ATRX: variants seen among roughly 807,000 people sequenced by gnomAD.
ATRX encodes the protein ATRX chromatin remodeler, also known as chromatin remodeler ATRX.
Under a neutral mutation model 172.6 loss-of-function variants are expected in ATRX, and 12 were observed. The ratio of observed to expected loss-of-function variants is 0.07; its 90% CI spans 0.04 to 0.11. ATRX has a LOEUF of 0.11. ATRX is among the 10% of genes least tolerant of loss of function. The pLI, the probability that ATRX is intolerant of heterozygous loss-of-function variation, is 1.00. For missense variants in ATRX, 1,368 were observed against 1,767.4 expected, an observed-to-expected ratio of 0.77 and a Z score of 4.05; for synonymous variants, 674 against 594.7, an observed-to-expected ratio of 1.13 and a Z score of -1.94.
chrX:77,782,493 A>G (rs1264958974), intron 1 of ATRX, among the ~76,000 whole-genome samples: 1 of 112,580 alleles, frequency 8.9e-6, no homozygotes, highest in Non-Finnish European at 1.9e-5. Context: ...TCACACCTGT[A>G]ATCCCAGCAC....
At chrX:77,734,823 G>A (rs1422175532) in intron 1 of ATRX, among the ~76,000 whole-genome samples, 1 of 106,784 alleles carries the variant, frequency 9.4e-6, no homozygotes, top group Non-Finnish European at 1.9e-5. Flanking sequence ...AAAAATAAAT[G>A]GTGCTGGCCC....
intron 34 of ATRX, among the ~76,000 whole-genome samples, chrX:77,514,282 A>C (rs1184562905): frequency 8.9e-6 from 1 of 112,358 alleles, no homozygotes; most frequent in African/African-American, 3.2e-5. Flanking sequence ...GAACAACAAA[A>C]AAAAGGTTGA....
At chrX:77,783,170 G>A (rs1019630658) in intron 1 of ATRX, among the ~76,000 whole-genome samples, 6 of 111,638 alleles carry the variant, frequency 5.4e-5, no homozygotes, top group African/African-American at 2.0e-4. Context: ...GGGAGGCGGA[G>A]GCGGCAGTAA....
chrX:77,620,609 TTAA>T, intron 19 of ATRX, 77 bp from the exon 20 acceptor site: 1 of 937,022 alleles, frequency 1.1e-6, no homozygotes, highest in South Asian at 2.2e-5. Context: ...GTAAATAAAG[TTAA>T]TCCCTTTAAA....
At chrX:77,652,941 T>C (rs1461308019) in intron 14 of ATRX, among the ~76,000 whole-genome samples, 2 of 101,985 alleles carry the variant, frequency 2.0e-5, no homozygotes, top group African/African-American at 7.3e-5. Context: ...CACCAGTCAT[T>C]AGGAAAATAC....
In ATRX at chrX:77,508,214, AG is replaced by A; in HGVS notation, c.*136del. Reference sequence around the variant, plus strand: ...GTATGCCCTATTTAAAAAAAAAAAAAGTAAAACTAATATGGAAGATTGGCAT... The same window carrying A: ...GTATGCCCTATTTAAAAAAAAAAAAATAAAACTAATATGGAAGATTGGCAT... On this transcript the variant is annotated 3_prime_UTR_variant, in exon 35 of 35. Transcript: ENST00000373344. 1 of 775,117 alleles carries A rather than the reference AG, an allele frequency of 1.3e-6. No individual in the cohort carries two copies. The highest frequency in any genetic ancestry group is 2.1e-5 in the African/African-American group (1 of 47,654). 63.9% of individuals were successfully genotyped at this position (775,117 alleles called of 1,213,427 possible). A position where few individuals can be genotyped will look rare whatever the true frequency, so the allele number is the denominator to read the frequency against.
intron 22 of ATRX, among the ~76,000 whole-genome samples, chrX:77,607,211 G>A (rs1460519918): frequency 2.7e-5 from 3 of 111,420 alleles, no homozygotes; most frequent in African/African-American, 9.8e-5. Context: ...GTTTGCAGAT[G>A]ACATGACCTT....
intron 1 of ATRX, among the ~76,000 whole-genome samples, chrX:77,753,156 G>T (rs1221480389): frequency 1.8e-5 from 2 of 111,230 alleles, no homozygotes; most frequent in Non-Finnish European, 3.8e-5. Context: ...CTTGTTATTG[G>T]TCTATTCAGG....
chrX:77,704,576 G>A (rs946989796), intron 2 of ATRX, among the ~76,000 whole-genome samples: 1 of 112,167 alleles, frequency 8.9e-6, no homozygotes, highest in African/African-American at 3.2e-5. Context: ...TGCCCAGGCT[G>A]TAGATGCAAG....
In ATRX at chrX:77,542,394, A is replaced by C. The variant is rs2064038658; in HGVS notation, c.6699+15057T>G. ...TATCGTGAAAATGGCCATACTGACCAAAGTAATTTATAGATTCAATGCTGT... is the reference window on the plus strand; with the variant it reads ...TATCGTGAAAATGGCCATACTGACCCAAGTAATTTATAGATTCAATGCTGT... On this transcript the variant is annotated intron_variant, in intron 30 of 34. Transcript: ENST00000373344. Among the ~76,000 whole-genome samples the C allele has an allele frequency of 2.7e-5, 3 of 112,026 alleles. 1 individual carries two copies. The South Asian group carries it at 1.1e-3, about 42-fold the overall frequency.
intron 30 of ATRX, among the ~76,000 whole-genome samples, chrX:77,531,609 C>G: frequency 8.9e-6 from 1 of 111,966 alleles, no homozygotes; most frequent in Middle Eastern, 4.6e-3. Context: ...TCTCAATAAA[C>G]TAGGCATTGA....
At chrX:77,713,843 C>T (rs1472830877) in intron 2 of ATRX, among the ~76,000 whole-genome samples, 1 of 111,416 alleles carries the variant, frequency 9.0e-6, no homozygotes, top group East Asian at 2.8e-4. Context: ...AGATTCTACA[C>T]CGCAAATCCC....
intron 2 of ATRX, among the ~76,000 whole-genome samples, chrX:77,716,110 A>ATTTTTTTTTTTTTTTTTTTT (rs199639051): frequency 1.8e-5 from 1 of 54,405 alleles, no homozygotes; most frequent in Non-Finnish European, 2.9e-5. Context: ...GTCTCTAAAA[A>ATTTTTTTTTTTTTTTTTTTT]TTTTTTTTTT....
chrX:77,755,154 G>A (rs1229791672), intron 1 of ATRX, among the ~76,000 whole-genome samples: 2 of 112,449 alleles, frequency 1.8e-5, no homozygotes, highest in African/African-American at 6.5e-5. Flanking sequence ...TATGCTTCAC[G>A]AAGTTCTTGT....
At chrX:77,644,228 C>T (rs2068798890) in intron 15 of ATRX, among the ~76,000 whole-genome samples, 2 of 112,946 alleles carry the variant, frequency 1.8e-5, no homozygotes, top group Admixed American at 1.9e-4. Flanking sequence ...GGGCGTGAGC[C>T]ACCACACCCA....
At chrX:77,740,027 T>A (rs1187919799) in intron 1 of ATRX, among the ~76,000 whole-genome samples, 9 of 75,057 alleles carry the variant, frequency 1.2e-4, no homozygotes, top group African/African-American at 4.2e-4. Context: ...CACTCCAGCC[T>A]GGGGAAGAAG....
rs781941651 is a variant in ATRX at position 77,736,771 on chromosome X, T to C, written c.21-19528A>G. On this transcript the variant is annotated intron_variant, in intron 1 of 34. Transcript: ENST00000373344. ...TATCAAAGGGATACCTGCATTCCCA[T>C]GTTTATTACAGCACTGTTCCCAATA... Among the ~76,000 whole-genome samples the C allele has an allele frequency of 6.2e-5, 7 of 112,259 alleles. No individual in the cohort carries two copies. The East Asian group carries it at 2.0e-3, about 31-fold the overall frequency.
At chrX:77,619,519 C>T (rs2067494987) in intron 20 of ATRX, among the ~76,000 whole-genome samples, 1 of 110,435 alleles carries the variant, frequency 9.1e-6, no homozygotes, top group Non-Finnish European at 1.9e-5. Flanking sequence ...AAATTAATTA[C>T]TAATGTATTT....
rs1481222583 is a variant in ATRX, at chrX:77,620,332, G to A, written c.5272+63C>T. The A allele has an allele frequency of 3.5e-6, 4 of 1,143,136 alleles. No individual in the cohort carries two copies. The South Asian group carries it at 5.5e-5, about 16-fold the overall frequency. 94.2% of individuals were successfully genotyped at this position (1,143,136 alleles called of 1,213,427 possible). ...AAGTAGAAGAAAGGTAAATGGTAAC[G>A]TTACAAAAATATATCTGAGGAAATA... On this transcript the variant is annotated intron_variant, in intron 20 of 34. Coordinates refer to ENST00000373344, the MANE Select transcript of ATRX (RefSeq NM_000489.6).
Sources: gnomAD v4.1 joint callset for allele counts (sites outside exome capture counted in the v4.1 genomes callset) on GRCh38, gnomAD v4.1.1 for gene constraint, MANE v1.5 for transcripts, NCBI Gene and HGNC (gene_info 2026-07-23, HGNC 2026-07-21) for gene names.